Variants in CNOT2 observed in about 807,000 individuals in gnomAD.
CNOT2 encodes the protein CC chemokine receptor 4-negative regulator of transcription 2.
In CNOT2, 7 loss-of-function variants were observed where a neutral mutation model predicts 72.1. The observed-to-expected ratio is 0.10, with a 90% CI of 0.06 to 0.18. The LOEUF is 0.18. Ranked by LOEUF, CNOT2 falls within the 10% of genes least tolerant of loss-of-function variation. CNOT2 has a pLI of 1.00. For synonymous variants in CNOT2, 196 were observed against 225.6 expected (o/e 0.87, Z 1.17); for missense variants, 345 against 660.3 (o/e 0.52, Z 5.23).
At chr12:70,263,787 A>G (rs1217553266) in intron 1 of CNOT2, among the ~76,000 whole-genome samples, 2 of 152,166 alleles carry the variant, frequency 1.3e-5, no homozygotes, top group African/African-American at 2.4e-5. Flanking sequence ...GACATTTTAC[A>G]TGAACTTTGC....
chr12:70,283,976 G>C (rs1462724139), intron 2 of CNOT2, among the ~76,000 whole-genome samples: 1 of 109,258 alleles, frequency 9.2e-6, no homozygotes, highest in African/African-American at 3.7e-5. Context: ...CGCTCTTGTT[G>C]CCCAGGCTGG....
At position 70,257,727 on chromosome 12, in the gene CNOT2, C is replaced by T. The variant is rs893307776; in HGVS notation, c.-96+14247C>T. 4.6e-5 allele frequency among the ~76,000 whole-genome samples: 7 copies of T among 151,986 alleles called. No individual in the cohort carries two copies. The East Asian group carries it at 5.8e-4, about 13-fold the overall frequency. On this transcript the variant is annotated intron_variant, in intron 1 of 15. Transcript: ENST00000229195. ...TAGCATCTATTGTAATTAGCTATTACGCTAAAAAAATTTTGTCTTTCATTC... is the reference window on the plus strand; with the variant it reads ...TAGCATCTATTGTAATTAGCTATTATGCTAAAAAAATTTTGTCTTTCATTC...
Position 70,335,768 on chromosome 12 carries a change from A to G in CNOT2, c.775+205A>G, listed in dbSNP as rs951873746. ...TACCATGATAGCAAAGTTAAATGGG[A>G]AAACTTTGTACAAAAACCCAAGAGG... On this transcript the variant is annotated intron_variant, in intron 8 of 15. Coordinates refer to ENST00000229195, the MANE Select transcript of CNOT2 (RefSeq NM_014515.7). 2.1e-4 allele frequency: 78 copies of G among 376,932 alleles called. 1 individual carries two copies. Among genetic ancestry groups the G allele is most frequent in the Non-Finnish European group, 7.7e-5 (16 of 208,750 alleles). The allele number at this position is 376,932 out of a possible 1,614,324, so 23.3% of individuals were successfully genotyped here.
intron 4 of CNOT2, among the ~76,000 whole-genome samples, chr12:70,320,143 G>C (rs1201728748): frequency 2.0e-5 from 3 of 151,420 alleles, no homozygotes; most frequent in African/African-American, 7.3e-5. Flanking sequence ...TGTAATCTCT[G>C]TTAATAGAAG....
intron 11 of CNOT2, among the ~76,000 whole-genome samples, 164 bp downstream of exon 11, chr12:70,338,986 C>T (rs1438265580): frequency 6.7e-6 from 1 of 149,096 alleles, no homozygotes; most frequent in Non-Finnish European, 1.5e-5. Flanking sequence ...TGTCACTCTG[C>T]AGTATTCCTT....
intron 4 of CNOT2, among the ~76,000 whole-genome samples, 168 bp downstream of exon 4, chr12:70,319,532 T>G (rs571522213): frequency 6.6e-6 from 1 of 151,996 alleles, no homozygotes; most frequent in South Asian, 2.1e-4. Context: ...CCTCATTATT[T>G]CAGACCTTAT....
chr12:70,345,842 TGAA>T (rs1286723906), intron 14 of CNOT2: 1 of 176,318 alleles, frequency 5.7e-6, no homozygotes, highest in African/African-American at 2.4e-5. Flanking sequence ...AAGAAAGGAG[TGAA>T]GTTTTTGCAA....
intron 2 of CNOT2, among the ~76,000 whole-genome samples, chr12:70,306,547 A>G (rs901736902): frequency 6.6e-6 from 1 of 152,226 alleles, no homozygotes; most frequent in Non-Finnish European, 1.5e-5. Context: ...TCTGTGTTCA[A>G]AAAAGGTTTA....
intron 2 of CNOT2, among the ~76,000 whole-genome samples, chr12:70,300,535 T>A (rs1409491073): frequency 6.6e-6 from 1 of 152,244 alleles, no homozygotes; most frequent in Non-Finnish European, 1.5e-5. Flanking sequence ...GTTGTAGATA[T>A]GTGGCGTTAT....
chr12:70,285,762 A>G (rs1870780422), intron 2 of CNOT2, among the ~76,000 whole-genome samples: 1 of 152,150 alleles, frequency 6.6e-6, no homozygotes. Context: ...TTCAGTTTTT[A>G]TGCATAAAAT....
chr12:70,329,911 C>G (rs1264232520), intron 5 of CNOT2, among the ~76,000 whole-genome samples: 1 of 151,982 alleles, frequency 6.6e-6, no homozygotes, highest in Non-Finnish European at 1.5e-5. Flanking sequence ...CGCCACACAT[C>G]CATTGCTCTA....
intron 2 of CNOT2, chr12:70,290,666 G>T (rs1871733566): frequency 6.6e-6 from 1 of 151,906 alleles, no homozygotes. Context: ...TCGGTTGGAA[G>T]TGAAAGTCTT....
chr12:70,315,887 G>A (rs1877246302), intron 3 of CNOT2, among the ~76,000 whole-genome samples: 2 of 152,006 alleles, frequency 1.3e-5, no homozygotes, highest in Admixed American at 6.6e-5. Context: ...AGCCCCTTGG[G>A]CAAAAAGTTA....
At chr12:70,256,033 T>C (rs552973909) in intron 1 of CNOT2, among the ~76,000 whole-genome samples, 4 of 152,294 alleles carry the variant, frequency 2.6e-5, no homozygotes, top group South Asian at 4.1e-4. Context: ...TACCACACTT[T>C]AGAACAGTTT....
At chr12:70,259,972 C>T (rs182469951) in intron 1 of CNOT2, among the ~76,000 whole-genome samples, 19 of 152,282 alleles carry the variant, frequency 1.2e-4, no homozygotes, top group African/African-American at 4.1e-4. Context: ...AATGAGCTGA[C>T]TGTATATGTG....
chr12:70,264,598 C>T (rs555185589), intron 1 of CNOT2, among the ~76,000 whole-genome samples: 33 of 152,202 alleles, frequency 2.2e-4, no homozygotes, highest in Admixed American at 7.2e-4. Flanking sequence ...GAGCCTCTGC[C>T]TGTGTTTTGA....
At chr12:70,254,431 C>T (rs570294332) in intron 1 of CNOT2, among the ~76,000 whole-genome samples, 2 of 152,076 alleles carry the variant, frequency 1.3e-5, no homozygotes, top group African/African-American at 4.8e-5. Context: ...AGCGGGATGT[C>T]AGAAAATTTC....
intron 2 of CNOT2, among the ~76,000 whole-genome samples, chr12:70,288,136 C>CTTTTTTTTTTTTTTTTT (rs68143994): frequency 1.2e-5 from 1 of 86,668 alleles, no homozygotes; most frequent in Non-Finnish European, 2.2e-5. Flanking sequence ...TGGTGTAGCT[C>CTTTTTTTTTTTTTTTTT]TTTTTTTTTT....
chr12:70,341,814 A>G (rs1881543034), intron 11 of CNOT2, among the ~76,000 whole-genome samples: 1 of 152,200 alleles, frequency 6.6e-6, no homozygotes, highest in Non-Finnish European at 1.5e-5. Flanking sequence ...AAGCATCTTG[A>G]GTTGAAATCA....
Sources: allele counts gnomAD v4.1 joint callset (sites outside exome capture counted in the v4.1 genomes callset), GRCh38; gene constraint gnomAD v4.1.1; transcripts MANE v1.5; gene names NCBI Gene and HGNC (gene_info 2026-07-23, HGNC 2026-07-21).